Variants in ILRUN observed in about 807,000 individuals in gnomAD.
ILRUN encodes the protein protein ILRUN.
A neutral mutation model predicts 33.8 loss-of-function variants in ILRUN; 3 were observed. The observed-to-expected ratio is 0.09, with a 90% CI of 0.04 to 0.23. The LOEUF (loss-of-function observed/expected upper bound fraction) is 0.23, where lower values mean the gene tolerates loss of function less well. ILRUN is among the 10% of genes least tolerant of loss of function. The probability of loss-of-function intolerance (pLI) is 1.00; values close to 1 mark genes in which losing one functional copy is unlikely to be tolerated. For missense variants in ILRUN, 210 were observed against 375.1 expected, an observed-to-expected ratio of 0.56 and a Z score of 3.64; for synonymous variants, 124 against 138.9, an observed-to-expected ratio of 0.89 and a Z score of 0.75.
chr6:34,666,731 C>G (rs1416787810), intron 1 of ILRUN, among the ~76,000 whole-genome samples: 3 of 152,112 alleles, frequency 2.0e-5, no homozygotes, highest in African/African-American at 7.2e-5. Context: ...TGAGAGAATG[C>G]TATCATTTTT....
intron 2 of ILRUN, among the ~76,000 whole-genome samples, chr6:34,652,674 A>T (rs541228751): frequency 7.2e-5 from 11 of 152,310 alleles, no homozygotes; most frequent in African/African-American, 2.6e-4. Flanking sequence ...TCTCATATAA[A>T]ATTAACTTGC....
intron 4 of ILRUN, among the ~76,000 whole-genome samples, chr6:34,603,817 T>C (rs748836869): frequency 3.3e-5 from 5 of 152,146 alleles, no homozygotes; most frequent in Admixed American, 6.5e-5. Context: ...CTTTTATTCC[T>C]CAAGTCTCCT....
intron 1 of ILRUN, among the ~76,000 whole-genome samples, chr6:34,695,837 C>T (rs1022934471): frequency 6.6e-6 from 1 of 151,946 alleles, no homozygotes; most frequent in Non-Finnish European, 1.5e-5. Context: ...AGTCATCTCC[C>T]TCACCATACC....
chr6:34,640,385 C>T (rs1224776097), intron 3 of ILRUN, among the ~76,000 whole-genome samples: 3 of 151,784 alleles, frequency 2.0e-5, no homozygotes, highest in South Asian at 2.1e-4. Context: ...TAAGAGGAAA[C>T]GTGAACTGAA....
chr6:34,644,428 A>G (rs1488403945), intron 3 of ILRUN, among the ~76,000 whole-genome samples: 1 of 152,210 alleles, frequency 6.6e-6, no homozygotes, highest in African/African-American at 2.4e-5. Flanking sequence ...ATGGGTAGAA[A>G]GACGTAAAGT....
chr6:34,597,413 C>T (rs148654779), intron 4 of ILRUN, among the ~76,000 whole-genome samples: 86 of 152,302 alleles, frequency 5.6e-4, no homozygotes, highest in African/African-American at 2.0e-3. Flanking sequence ...GGGAGGACAA[C>T]AACATGAGAG....
intron 4 of ILRUN, among the ~76,000 whole-genome samples, chr6:34,593,155 C>T (rs949666190): frequency 8.6e-5 from 13 of 151,816 alleles, no homozygotes; most frequent in Middle Eastern, 6.8e-3. Context: ...CTTCAGCCTG[C>T]GAGACAGAGT....
intron 4 of ILRUN, among the ~76,000 whole-genome samples, chr6:34,604,090 T>G (rs1761575178): frequency 6.6e-6 from 1 of 152,254 alleles, no homozygotes; most frequent in Non-Finnish European, 1.5e-5. Flanking sequence ...CAACAGTCTA[T>G]CTCTAATGGG....
Position 34,587,886 on chromosome 6 carries a change from A to G in ILRUN, c.*2679T>C, listed in dbSNP as rs931481764. On this transcript the variant is annotated 3_prime_UTR_variant, in exon 5 of 5. Transcript: ENST00000374023. ...GTCTCCCCAACTGGGTTCAGACCCT[A>G]TCACCTAACCATGGTGTCTGCCTCA... is the stretch of plus-strand genomic sequence containing the variant. 7.7e-6 allele frequency: 3 copies of G among 390,356 alleles called. No individual in the cohort carries two copies. Among genetic ancestry groups the G allele is most frequent in the Non-Finnish European group, 1.3e-5 (3 of 224,208 alleles). 24.2% of individuals were successfully genotyped at this position (390,356 alleles called of 1,614,324 possible). A position where few individuals can be genotyped will look rare whatever the true frequency, so the allele number is the denominator to read the frequency against.
chr6:34,676,926 G>A (rs1278848806), intron 1 of ILRUN, among the ~76,000 whole-genome samples: 1 of 150,606 alleles, frequency 6.6e-6, no homozygotes, highest in Non-Finnish European at 1.5e-5. Flanking sequence ...CCTTCAAAAG[G>A]GCATACCTTG....
intron 3 of ILRUN, among the ~76,000 whole-genome samples, chr6:34,612,824 T>C (rs935237370): frequency 2.5e-4 from 38 of 152,050 alleles, no homozygotes; most frequent in Non-Finnish European, 4.9e-4. Context: ...GGGCGGATCA[T>C]GAGGTCAGGA....
At chr6:34,670,892 A>T (rs77423843) in intron 1 of ILRUN, among the ~76,000 whole-genome samples, 1 of 151,480 alleles carries the variant, frequency 6.6e-6, no homozygotes, top group Non-Finnish European at 1.5e-5. Flanking sequence ...AATGATATAC[A>T]CACCCCCTAA....
At position 34,682,647 on chromosome 6, in the gene ILRUN, T is replaced by C. The variant is rs543219827; in HGVS notation, c.158+13799A>G. Among the ~76,000 whole-genome samples, 48 of 152,148 alleles carry C rather than the reference T, an allele frequency of 3.2e-4. No homozygotes were observed. The South Asian group carries it at 8.5e-3, about 27-fold the overall frequency. On this transcript the variant is annotated intron_variant, in intron 1 of 4. Coordinates refer to ENST00000374023, the MANE Select transcript of ILRUN (RefSeq NM_024294.4). ...CGCCACCATGCCCAGCTAATTTTTG[T>C]ATTTTTTGTAGAGTTGGGGTCTCCC...
At chr6:34,601,069 T>C (rs1053329968) in intron 4 of ILRUN, among the ~76,000 whole-genome samples, 1 of 152,182 alleles carries the variant, frequency 6.6e-6, no homozygotes, top group Non-Finnish European at 1.5e-5. Flanking sequence ...GTAATGCATG[T>C]CAAGCACTGA....
At chr6:34,635,527 G>A (rs1055479000) in intron 3 of ILRUN, among the ~76,000 whole-genome samples, 83 of 125,012 alleles carry the variant, frequency 6.6e-4, no homozygotes, top group African/African-American at 2.4e-3. Context: ...GTGAGACCCT[G>A]TCTGAAAAAA....
intron 4 of ILRUN, among the ~76,000 whole-genome samples, chr6:34,604,989 G>A (rs753527244): frequency 7.2e-5 from 11 of 152,126 alleles, no homozygotes; most frequent in Non-Finnish European, 1.5e-4. Flanking sequence ...TTCTTAATTT[G>A]TCTCTTGATC....
rs144212411 is a variant in ILRUN at position 34,691,140 on chromosome 6, G to A, written c.158+5306C>T. The stretch of plus-strand genomic sequence containing the variant: ...CCTGACCTCATGATCCGTCCGCCTC[G>A]GCCTCCCAAAGTGCTGGGATTACAG... On this transcript the variant is annotated intron_variant, in intron 1 of 4. Transcript: ENST00000374023. 2.3e-3 allele frequency among the ~76,000 whole-genome samples: 345 copies of A among 151,974 alleles called. 1 individual carries two copies. The highest frequency in any genetic ancestry group is 7.8e-3 in the African/African-American group (323 of 41,446).
intron 3 of ILRUN, among the ~76,000 whole-genome samples, chr6:34,611,603 G>C (rs1376516490): frequency 2.6e-5 from 4 of 152,102 alleles, no homozygotes; most frequent in Non-Finnish European, 5.9e-5. Context: ...GGCCTAATAA[G>C]CTTGTTTCAT....
intron 2 of ILRUN, among the ~76,000 whole-genome samples, chr6:34,651,002 T>G (rs1221877786): frequency 6.6e-6 from 1 of 152,088 alleles, no homozygotes; most frequent in East Asian, 1.9e-4. Flanking sequence ...CTGCCCTACT[T>G]CCATGTTACT....
Sources: allele counts gnomAD v4.1 joint callset (sites outside exome capture counted in the v4.1 genomes callset), GRCh38; gene constraint gnomAD v4.1.1; transcripts MANE v1.5; gene names NCBI Gene and HGNC (gene_info 2026-07-23, HGNC 2026-07-21).